Variants in PDE2A observed in about 807,000 individuals in gnomAD.
PDE2A encodes phosphodiesterase 2A, also known as cGMP-dependent 3',5'-cyclic phosphodiesterase.
PDE2A carries 53 observed loss-of-function variants against 133.6 expected under a neutral mutation model. That is an observed-to-expected ratio of 0.40 (90% CI 0.32 to 0.50). The LOEUF (loss-of-function observed/expected upper bound fraction) is 0.50. PDE2A is among the 20% of genes least tolerant of loss of function. PDE2A has a pLI of 0.73. For missense variants in PDE2A, 796 were observed against 1,232.4 expected (o/e 0.65, Z 5.30); for synonymous variants, 491 against 490.2 (o/e 1.00, Z -0.02).
intron 3 of PDE2A, among the ~76,000 whole-genome samples, chr11:72,606,734 G>A (rs566083757): frequency 1.3e-5 from 2 of 152,310 alleles, no homozygotes; most frequent in African/African-American, 4.8e-5. Flanking sequence ...TTGGCCCAAA[G>A]AGGTTAAGAG....
rs1229917372 is a variant in PDE2A at position 72,585,437 on chromosome 11, G to A, written c.1223-3C>T. 18 of 1,613,888 alleles carry A rather than the reference G, an allele frequency of 1.1e-5. No homozygotes were observed. Among genetic ancestry groups the A allele is most frequent in the Non-Finnish European group, 1.5e-5 (18 of 1,179,882 alleles). ...CTGGAGCAGGACAGAGACGTCATCT[G>A]GGGAAGGGAGAAGACCAGGCAGGGT... On this transcript the variant is annotated splice_region_variant and splice_polypyrimidine_tract_variant and intron_variant, in intron 15 of 30. Coordinates refer to ENST00000334456, the MANE Select transcript of PDE2A (RefSeq NM_002599.5).
chr11:72,615,316 C>G (rs990684819), intron 2 of PDE2A, among the ~76,000 whole-genome samples: 8 of 152,198 alleles, frequency 5.3e-5, no homozygotes, highest in Non-Finnish European at 8.8e-5. Context: ...TCCCCCGCAC[C>G]CTTGGATCCA....
At chr11:72,581,031 A>C in intron 23 of PDE2A, 58 bp from the exon 24 acceptor site, 2 of 1,181,814 alleles carry the variant, frequency 1.7e-6, no homozygotes, top group Non-Finnish European at 2.5e-6. Flanking sequence ...CCCTCCCTAA[A>C]TCCCCAAGAG....
chr11:72,648,630 C>A (rs1859193782), intron 1 of PDE2A, among the ~76,000 whole-genome samples: 2 of 152,216 alleles, frequency 1.3e-5, no homozygotes, highest in South Asian at 2.1e-4. Flanking sequence ...GAAGGGAACC[C>A]ATAGGATTCT....
intron 6 of PDE2A, among the ~76,000 whole-genome samples, chr11:72,594,248 G>C (rs1158570442): frequency 6.6e-6 from 1 of 152,240 alleles, no homozygotes. Context: ...TGAGAGAGGG[G>C]AATGGGGCTT....
At chr11:72,628,577 C>T (rs1045206432) in intron 2 of PDE2A, among the ~76,000 whole-genome samples, 2 of 152,192 alleles carry the variant, frequency 1.3e-5, no homozygotes, top group African/African-American at 2.4e-5. Context: ...GATCCACCTG[C>T]CTTGGCCTCC....
chr11:72,603,940 C>T (rs1226840382), intron 4 of PDE2A, among the ~76,000 whole-genome samples: 2 of 152,194 alleles, frequency 1.3e-5, no homozygotes, highest in African/African-American at 4.8e-5. Flanking sequence ...ACCATGAGTC[C>T]AGCATCCTCA....
intron 2 of PDE2A, among the ~76,000 whole-genome samples, chr11:72,627,283 G>C (rs1858127551): frequency 6.6e-6 from 1 of 152,238 alleles, no homozygotes; most frequent in South Asian, 2.1e-4. Flanking sequence ...CCATGGGGAA[G>C]GATACACTAC....
chr11:72,622,426 C>T (rs929927819), intron 2 of PDE2A, among the ~76,000 whole-genome samples: 1 of 152,200 alleles, frequency 6.6e-6, no homozygotes, highest in African/African-American at 2.4e-5. Context: ...CAGCATTACT[C>T]ACAATAGCTA....
intron 27 of PDE2A, 129 bp downstream of exon 27, chr11:72,579,155 G>T (rs11605051): frequency 2.1e-6 from 2 of 933,914 alleles, no homozygotes; most frequent in South Asian, 2.8e-5. Context: ...TCTGCCTGGG[G>T]GGGGCCGTGC....
intron 13 of PDE2A, among the ~76,000 whole-genome samples, chr11:72,586,969 G>T (rs925270180): frequency 6.6e-6 from 1 of 152,074 alleles, no homozygotes; most frequent in Non-Finnish European, 1.5e-5. Context: ...TCTTACATTT[G>T]TGGTCCCTCA....
At chr11:72,598,493 C>T (rs1020368186) in intron 4 of PDE2A, 1 of 1,288,318 alleles carries the variant, frequency 7.8e-7, no homozygotes, top group African/African-American at 1.5e-5. Context: ...CTGGCTCATC[C>T]CGCTTAATTA....
intron 1 of PDE2A, among the ~76,000 whole-genome samples, chr11:72,657,587 A>G (rs1007725164): frequency 6.6e-6 from 1 of 152,210 alleles, no homozygotes; most frequent in African/African-American, 2.4e-5. Flanking sequence ...CTGGAGGCTA[A>G]GAGTGCCATG....
In PDE2A at chr11:72,630,102, C is replaced by T. The variant is rs113693671; in HGVS notation, c.144+12152G>A. Among the ~76,000 whole-genome samples, 794 of 152,248 alleles carry T rather than the reference C, an allele frequency of 5.2e-3. 5 individuals carry two copies. Among genetic ancestry groups the T allele is most frequent in the African/African-American group, 0.018 (757 of 41,524 alleles). ...TTGAGCACTGAAGAGTCCTATGAGGCACCCCTCACAGGGAAGGAAGGCATG... is the reference window on the plus strand; with the variant it reads ...TTGAGCACTGAAGAGTCCTATGAGGTACCCCTCACAGGGAAGGAAGGCATG... On this transcript the variant is annotated intron_variant, in intron 2 of 30. Coordinates refer to ENST00000334456, the MANE Select transcript of PDE2A (RefSeq NM_002599.5).
chr11:72,615,166 A>G (rs572421), intron 2 of PDE2A: 357,558 of 456,270 alleles, frequency 0.78, 140,686 homozygotes, highest in East Asian at 0.9. Flanking sequence ...GGGTGTCCCC[A>G]TCCACAGGAG....
At chr11:72,584,973 G>T (rs1429265646) in intron 16 of PDE2A, 29 bp from the exon 17 acceptor site, 13 of 1,608,950 alleles carry the variant, frequency 8.1e-6, no homozygotes, top group Non-Finnish European at 1.1e-5. Flanking sequence ...GGTCCTCTGG[G>T]GCCTGACAAC....
chr11:72,647,043 G>C (rs563997397), intron 1 of PDE2A, among the ~76,000 whole-genome samples: 1 of 152,272 alleles, frequency 6.6e-6, no homozygotes, highest in East Asian at 1.9e-4. Context: ...AGCAGGGCCT[G>C]TCTGATTCTT....
Position 72,577,382 on chromosome 11 carries a change from G to T in PDE2A, c.*2C>A, listed in dbSNP as rs1190131650. 10 of 1,610,534 alleles carry T rather than the reference G, an allele frequency of 6.2e-6. No individual in the cohort carries two copies. The highest frequency in any genetic ancestry group is 7.6e-6 in the Non-Finnish European group (9 of 1,177,748). On this transcript the variant is annotated 3_prime_UTR_variant, in exon 31 of 31. Transcript: ENST00000334456. The stretch of plus-strand genomic sequence containing the variant: ...TGGGCAGGGAAGTGTCCCTGGAGGG[G>T]ATCACTCAGCATCAAGGCTGCAGCA...
rs1357823542 is a variant in PDE2A, at chr11:72,597,527, A to T, written c.416T>A (p.Leu139Gln). 1 of 1,599,644 alleles carries T rather than the reference A, an allele frequency of 6.3e-7. No individual in the cohort carries two copies. Among genetic ancestry groups the T allele is most frequent in the East Asian group, 2.2e-5 (1 of 44,608 alleles). The change falls in exon 5 of 31, where the codon CTG becomes CAG. Residue 139 changes from leucine (L) to glutamine (Q), a missense_variant. Leu to Gln is a moderately radical substitution (Grantham distance 113). This residue lies in a region of PDE2A where 417 missense variants were observed against 475.3 expected (regional missense o/e 0.88). Coordinates refer to ENST00000334456, the MANE Select transcript of PDE2A (RefSeq NM_002599.5). The surrounding 1 kb of genome is among the most constrained non-coding windows in gnomAD (Gnocchi z 4.6). Reference sequence around the variant, plus strand: ...GCCCTTACCTTGGGTATCAGGAGCCAGTGGAGCCACCAGCCTGGCCAAGGG... The same window carrying T: ...GCCCTTACCTTGGGTATCAGGAGCCTGTGGAGCCACCAGCCTGGCCAAGGG... ...GKPLARLVAPLAPDTQVLVMP... is the reference protein window; with the variant it reads ...GKPLARLVAPQAPDTQVLVMP...
Sources: gnomAD v4.1 joint callset for allele counts (sites outside exome capture counted in the v4.1 genomes callset) on GRCh38, gnomAD v4.1.1 for gene constraint, gnomAD v4.1.1 regional missense constraint, Gnocchi (gnomAD v3.1) non-coding constraint, MANE v1.5 for transcripts, NCBI Gene and HGNC (gene_info 2026-07-23, HGNC 2026-07-21) for gene names.